The following FREM2 variants were observed in gnomAD, a reference collection of about 807,000 sequenced individuals.
The protein encoded by FREM2 is FRAS1-related extracellular matrix protein 2.
In FREM2, 119 loss-of-function variants were observed where a neutral mutation model predicts 219.9. The ratio of observed to expected loss-of-function variants is 0.54; its 90% confidence interval spans 0.47 to 0.63. FREM2 has a LOEUF of 0.63. Among genes scored for constraint, FREM2 ranks in the 30% least tolerant of loss-of-function variants. The pLI is 0.00. For synonymous variants in FREM2, 1,562 were observed against 1,522.8 expected, an observed-to-expected ratio of 1.03 and a Z score of -0.60; for missense variants, 4,030 against 3,993.6, an observed-to-expected ratio of 1.01 and a Z score of -0.25.
At position 38,769,466 on chromosome 13, in the gene FREM2, CA is replaced by C. The variant is rs760149123; in HGVS notation, c.5411-111del. ...AATTTTCCATTTCATGAGGTCAAAGCAGGATCAACTTTGCTTTTCAGGATAA... is the reference window on the plus strand; with the variant it reads ...AATTTTCCATTTCATGAGGTCAAAGCGGATCAACTTTGCTTTTCAGGATAA... On this transcript the variant is annotated intron_variant, in intron 3 of 23. Transcript: ENST00000280481. 6.9e-5 allele frequency: 63 copies of C among 919,282 alleles called. 1 individual carries two copies. Among genetic ancestry groups the C allele is most frequent in the Non-Finnish European group, 1.0e-4 (60 of 572,144 alleles). The allele number at this position is 919,282 out of a possible 1,614,324, so 56.9% of individuals were successfully genotyped here. A position where few individuals can be genotyped will look rare whatever the true frequency, so the allele number is the denominator to read the frequency against.
intron 17 of FREM2, among the ~76,000 whole-genome samples, chr13:38,873,150 CTT>C (rs1245976335): frequency 6.6e-6 from 1 of 151,926 alleles, no homozygotes; most frequent in East Asian, 1.9e-4. Context: ...TTAAATATGA[CTT>C]TATATATTTC....
intron 2 of FREM2, among the ~76,000 whole-genome samples, chr13:38,698,943 T>G (rs1019222186): frequency 6.6e-6 from 1 of 152,196 alleles, no homozygotes. Flanking sequence ...CTTTATTTTT[T>G]GAGTAACCAA....
chr13:38,691,774 T>C lies in FREM2; in HGVS notation c.4430T>C (p.Val1477Ala), dbSNP rs1319182599. ...GHLECTDQPG[V>A]SITSFTQLQL... ...CTGGAATGCACGGATCAGCCTGGTG[T>C]GTCCATCACGTCTTTCACTCAGCTG... Residue 1477 changes from valine (V) to alanine (A), a missense_variant, in exon 1 of 24, where the codon GTG becomes GCG. By Grantham distance (64) the Val-to-Ala change is moderately conservative (BLOSUM62 0). Coordinates refer to ENST00000280481, the MANE Select transcript of FREM2 (RefSeq NM_207361.6). 1.2e-6 allele frequency: 2 copies of C among 1,614,170 alleles called. No homozygotes were observed. Among genetic ancestry groups the C allele is most frequent in the African/African-American group, 1.3e-5 (1 of 75,044 alleles).
rs1444383396 is a variant in FREM2 at position 38,861,437 on chromosome 13, G to A, written c.7526G>A (p.Cys2509Tyr). The A allele has an allele frequency of 6.6e-7, 1 of 1,506,168 alleles. No individual in the cohort carries two copies. The highest frequency in any genetic ancestry group is 9.2e-7 in the Non-Finnish European group (1 of 1,091,202). The allele number at this position is 1,506,168 out of a possible 1,614,324, so 93.3% of individuals were successfully genotyped here. ...IVTISREEGL[C>Y]QPRVPGVVGA... is the part of the protein sequence containing the mutation. ...GGTCTTTTTTTTTTTCAAGGTCTTT[G>A]TCAGCCCCGTGTACCTGGGGTTGTT... is the stretch of plus-strand genomic sequence containing the variant. The change falls in exon 15 of 24, where the codon TGT (cysteine) becomes TAT (tyrosine). Residue 2509 changes from cysteine (C) to tyrosine (Y), a missense_variant. By Grantham distance (194) the Cys-to-Tyr change is radical. Coordinates refer to ENST00000280481, the MANE Select transcript of FREM2 (RefSeq NM_207361.6).
intron 6 of FREM2, among the ~76,000 whole-genome samples, chr13:38,823,862 G>T (rs1876168216): frequency 1.3e-5 from 2 of 149,746 alleles, no homozygotes; most frequent in African/African-American, 4.8e-5. Flanking sequence ...AAGAAAAAAG[G>T]TTGTGGCCCA....
chr13:38,714,959 G>A (rs1470676755), intron 2 of FREM2, among the ~76,000 whole-genome samples: 1 of 151,972 alleles, frequency 6.6e-6, no homozygotes, highest in East Asian at 1.9e-4. Context: ...GGGCATGGTG[G>A]CGGGCACCTG....
chr13:38,728,578 T>G (rs1593369786), intron 2 of FREM2, among the ~76,000 whole-genome samples: 2 of 152,116 alleles, frequency 1.3e-5, no homozygotes, highest in African/African-American at 4.8e-5. Flanking sequence ...GCTAATTTTT[T>G]TTTTCTGTAT....
chr13:38,877,258 A>G lies in FREM2; in HGVS notation c.8671+15A>G. The G allele has an allele frequency of 6.2e-7, 1 of 1,613,396 alleles. No individual in the cohort carries two copies. The highest frequency in any genetic ancestry group is 8.5e-7 in the Non-Finnish European group (1 of 1,179,376). On this transcript the variant is annotated intron_variant, in intron 21 of 23. Coordinates refer to ENST00000280481, the MANE Select transcript of FREM2 (RefSeq NM_207361.6). ...TTTTGCAGAAGGTATCACTTTACAA[A>G]TGAGAGGGATGCTCTGTTTGTCATG...
At chr13:38,791,641 A>C (rs982855770) in intron 6 of FREM2, among the ~76,000 whole-genome samples, 3 of 152,116 alleles carry the variant, frequency 2.0e-5, no homozygotes, top group Admixed American at 1.3e-4. Flanking sequence ...CAGCTCTGAG[A>C]ACTCACTCAC....
In FREM2 at chr13:38,690,702, C is replaced by G. The variant is rs755494926; in HGVS notation, c.3358C>G (p.Pro1120Ala). Residue 1120 changes from proline (P) to alanine (A), a missense_variant, in exon 1 of 24, where the codon CCA (proline) becomes GCA (alanine). Coordinates refer to ENST00000280481, the MANE Select transcript of FREM2 (RefSeq NM_207361.6). ...PTSGYVENIS[P>A]APGSEKSRAG... ...TTCAGGTTATGTTGAAAACATTTCT[C>G]CAGCACCAGGCTCTGAGAAATCAAG... 1.9e-6 allele frequency: 3 copies of G among 1,613,868 alleles called. No individual in the cohort carries two copies. The highest frequency in any genetic ancestry group is 2.5e-6 in the Non-Finnish European group (3 of 1,180,028).
rs1878518227 is a variant in FREM2 at position 38,880,753 on chromosome 13, C to CA, written c.9477dup (p.Gln3160ThrfsTer6). 4 of 1,614,154 alleles carry CA rather than the reference C, an allele frequency of 2.5e-6. No individual in the cohort carries two copies. The African/African-American group carries it at 4.0e-5, about 16-fold the overall frequency. On this transcript the variant is annotated frameshift_variant, in exon 24 of 24. Coordinates refer to ENST00000280481, the MANE Select transcript of FREM2 (RefSeq NM_207361.6). LOFTEE classifies it high-confidence loss of function. ...AGCAGCAGTGAGCCCATGGTGCCCC[C>CA]ACAGAGCCATCACAATGACAGCTCA...
intron 2 of FREM2, among the ~76,000 whole-genome samples, chr13:38,750,090 C>T (rs1341469694): frequency 1.3e-5 from 2 of 152,108 alleles, no homozygotes; most frequent in African/African-American, 4.8e-5. Flanking sequence ...TAAATAGTTG[C>T]TTAGGACCAA....
intron 2 of FREM2, among the ~76,000 whole-genome samples, chr13:38,738,565 C>CAAAAAAAA (rs71074478): frequency 1.9e-4 from 9 of 48,462 alleles, no homozygotes; most frequent in African/African-American, 5.3e-4. Context: ...GACTCCATCT[C>CAAAAAAAA]AAAAAAAAAA....
At chr13:38,874,457 A>C (rs1878273285) in intron 17 of FREM2, 25 bp from the exon 18 acceptor site, 1 of 1,581,670 alleles carries the variant, frequency 6.3e-7, no homozygotes, top group African/African-American at 1.3e-5. Context: ...ATATATTTTC[A>C]TTCTTGGTAC....
chr13:38,752,067 T>C (rs1462091769), intron 2 of FREM2, among the ~76,000 whole-genome samples: 1 of 152,242 alleles, frequency 6.6e-6, no homozygotes, highest in South Asian at 2.1e-4. Context: ...GCAGCAAAGC[T>C]AGCTTCGCAA....
chr13:38,754,891 TGATGATGATG>T (rs1566129689), intron 2 of FREM2, among the ~76,000 whole-genome samples: 3 of 118,428 alleles, frequency 2.5e-5, no homozygotes, highest in East Asian at 2.5e-4. Flanking sequence ...ATGATGATGA[TGATGATGATG>T]ATTATTATTA....
intron 2 of FREM2, among the ~76,000 whole-genome samples, chr13:38,732,589 C>A (rs1871813583): frequency 6.6e-6 from 1 of 152,168 alleles, no homozygotes; most frequent in South Asian, 2.1e-4. Context: ...GCCGGGGGAA[C>A]TGACAAATCA....
chr13:38,817,342 A>G (rs1297226154), intron 6 of FREM2, among the ~76,000 whole-genome samples: 2 of 152,104 alleles, frequency 1.3e-5, no homozygotes, highest in African/African-American at 4.8e-5. Context: ...ACAGAACAAC[A>G]TGGTGCTGGC....
chr13:38,823,346 A>C lies in FREM2; in HGVS notation c.6020-23227A>C, dbSNP rs577343886. ...TTCCACCAGACCATTCATCCTCCAG[A>C]ACCCTAAATGCACATTTCATCATCA... On this transcript the variant is annotated intron_variant, in intron 6 of 23. Transcript: ENST00000280481. Among the ~76,000 whole-genome samples the C allele has an allele frequency of 9.9e-5, 15 of 151,980 alleles. No homozygotes were observed. In the East Asian group the frequency reaches 2.7e-3, roughly 28 times the overall value.
Sources: allele counts gnomAD v4.1 joint callset (sites outside exome capture counted in the v4.1 genomes callset), GRCh38; gene constraint gnomAD v4.1.1; transcripts MANE v1.5; gene names NCBI Gene and HGNC (gene_info 2026-07-23, HGNC 2026-07-21).